The following HSD3B7 variants were observed in gnomAD, a reference collection of about 807,000 sequenced individuals.
The protein encoded by HSD3B7 is 3 beta-hydroxysteroid dehydrogenase type 7.
Under a neutral mutation model 34.3 loss-of-function variants are expected in HSD3B7, and 35 were observed. The ratio of observed to expected loss-of-function variants is 1.02; its 90% CI spans 0.78 to 1.35. The LOEUF is 1.35. HSD3B7 is among the 40% of genes most tolerant of loss of function. The pLI, the probability that HSD3B7 is intolerant of heterozygous loss-of-function variation, is 0.00. For missense variants in HSD3B7, 426 were observed against 504.7 expected (o/e 0.84, Z 1.49); for synonymous variants, 217 against 220.1 (o/e 0.99, Z 0.13).
At position 30,985,767 on chromosome 16, in the gene HSD3B7, G is replaced by C; in HGVS notation, c.109G>C (p.Gly37Arg). 1.2e-6 allele frequency: 2 copies of C among 1,603,046 alleles called. No individual in the cohort carries two copies. The highest frequency in any genetic ancestry group is 8.5e-7 in the Non-Finnish European group (1 of 1,176,360). ...RMLLQREPRL[G>R]ELRVFDQHLG... ...GCTGCTGCAGCGGGAGCCCCGGCTC[G>C]GGGAGCTGCGGGTCTTTGACCAACA... is the stretch of plus-strand genomic sequence containing the variant. The change falls in exon 2 of 7, where the codon GGG (glycine) becomes CGG (arginine). Residue 37 changes from glycine (G) to arginine (R), a missense_variant. By Grantham distance (125) the Gly-to-Arg change is moderately radical. Coordinates refer to ENST00000297679, the MANE Select transcript of HSD3B7 (RefSeq NM_025193.4).
Position 30,986,678 on chromosome 16 carries a change from C to T in HSD3B7, c.505C>T (p.Leu169=), listed in dbSNP as rs751796565. 9 of 1,614,046 alleles carry T rather than the reference C, an allele frequency of 5.6e-6. No homozygotes were observed. The highest frequency in any genetic ancestry group is 1.7e-5 in the Admixed American group (1 of 60,012). ...TTGCAGCAAGGCCCTGGCCGAGTGG[C>T]TGGTCCTGGAGGCCAACGGGAGGAA... ...YPCSKALAEW[L]VLEANGRKVR... The change falls in exon 5 of 7, where the codon CTG becomes TTG. Residue 169 remains leucine, a synonymous_variant. Coordinates refer to ENST00000297679, the MANE Select transcript of HSD3B7 (RefSeq NM_025193.4).
intron 6 of HSD3B7, 95 bp from the exon 7 acceptor site, chr16:30,987,673 C>A: frequency 6.9e-7 from 1 of 1,444,400 alleles, no homozygotes; most frequent in Non-Finnish European, 9.6e-7. Flanking sequence ...CGGCAACTAC[C>A]TGGGCCCAAA....
chr16:30,986,420 C>CAGGT lies in HSD3B7; in HGVS notation c.323-1_325dup, dbSNP rs1382636121. The CAGGT allele has an allele frequency of 1.2e-6, 2 of 1,613,310 alleles. No individual in the cohort carries two copies. The highest frequency in any genetic ancestry group is 3.3e-5 in the Admixed American group (2 of 60,008). ...AGCTTGGATACGCCTCCTCCTCTGC[C>CAGGT]AGGTACCCGGAACGTGATCGAGGCT... On this transcript the variant is annotated splice_polypyrimidine_tract_variant and splice_region_variant and intron_variant, in intron 3 of 6. Coordinates refer to ENST00000297679, the MANE Select transcript of HSD3B7 (RefSeq NM_025193.4).
Position 30,985,227 on chromosome 16 carries a change from GC to G in HSD3B7, c.-75del. On this transcript the variant is annotated 5_prime_UTR_variant, in exon 1 of 7. Coordinates refer to ENST00000297679, the MANE Select transcript of HSD3B7 (RefSeq NM_025193.4). ...GAGCCAGCGGAAGGACGGTGTGCGG[GC>G]CGGCCAGCCCTGGACGAAAGAAGAG... 8.3e-6 allele frequency: 9 copies of G among 1,090,516 alleles called. No individual in the cohort carries two copies. The highest frequency in any genetic ancestry group is 1.0e-5 in the Non-Finnish European group (9 of 890,728). 67.6% of individuals were successfully genotyped at this position (1,090,516 alleles called of 1,614,324 possible).
At chr16:30,987,356 A>G in intron 6 of HSD3B7, 1 of 415,894 alleles carries the variant, frequency 2.4e-6, no homozygotes, top group Non-Finnish European at 4.5e-6. Flanking sequence ...CTGAGGCGGG[A>G]GGATGGCCTG....
At chr16:30,987,417 A>AGC in intron 6 of HSD3B7, 1 of 429,964 alleles carries the variant, frequency 2.3e-6, no homozygotes. Context: ...ACTGCACTCC[A>AGC]GCCTGGATGA....
chr16:30,986,314 GC>G, intron 3 of HSD3B7, 108 bp from the exon 4 acceptor site: 1 of 1,550,682 alleles, frequency 6.4e-7, no homozygotes, highest in Non-Finnish European at 8.8e-7. Flanking sequence ...TGACAGCCCT[GC>G]CCCCGCCTCC....
At chr16:30,987,501 C>T (rs958432779) in intron 6 of HSD3B7, 25 of 567,068 alleles carry the variant, frequency 4.4e-5, no homozygotes, top group Admixed American at 1.2e-4. Flanking sequence ...TCACCTGCCA[C>T]TCCATCCTGC....
intron 5 of HSD3B7, 28 bp from the exon 6 acceptor site, chr16:30,986,812 T>G: frequency 6.2e-7 from 1 of 1,613,848 alleles, no homozygotes; most frequent in Non-Finnish European, 8.5e-7. Flanking sequence ...GGGTCCCAGG[T>G]CTCAGCAGTA....
chr16:30,986,125 T>C lies in HSD3B7; in HGVS notation c.243T>C (p.His81=), dbSNP rs1386218325. Residue 81 remains histidine, a synonymous_variant, in exon 3 of 7, where the codon CAT becomes CAC. Coordinates refer to ENST00000297679, the MANE Select transcript of HSD3B7 (RefSeq NM_025193.4). ...TGGCAGCAGCTGTGGCCGGAGCCCA[T>C]GTGGTCATCCACACGGCTGGGCTGG... ...HEVAAAVAGA[H]VVIHTAGLVD... 9 of 1,614,002 alleles carry C rather than the reference T, an allele frequency of 5.6e-6. No individual in the cohort carries two copies. Among genetic ancestry groups the C allele is most frequent in the East Asian group, 2.2e-5 (1 of 44,884 alleles).
chr16:30,987,256 C>CAGGAG (rs1204616765), intron 6 of HSD3B7: 11 of 541,486 alleles, frequency 2.0e-5, no homozygotes, highest in South Asian at 6.5e-5. Context: ...AGCCATTCCC[C>CAGGAG]AGGAGAGGAG....
rs373310133 is a variant in HSD3B7, at chr16:30,986,406, G to C, written c.323-17G>C. 1.2e-6 allele frequency: 2 copies of C among 1,608,700 alleles called. No homozygotes were observed. The highest frequency in any genetic ancestry group is 1.1e-5 in the South Asian group (1 of 90,928). ...AGGGAAGAAGCTGCAGCTTGGATAC[G>C]CCTCCTCCTCTGCCAGGTACCCGGA... On this transcript the variant is annotated splice_polypyrimidine_tract_variant and intron_variant, in intron 3 of 6. Transcript: ENST00000297679.
Position 30,985,783 on chromosome 16 carries a change from T to C in HSD3B7, c.125T>C (p.Phe42Ser), listed in dbSNP as rs753890994. 16 of 1,603,150 alleles carry C rather than the reference T, an allele frequency of 1.0e-5. No individual in the cohort carries two copies. In the Admixed American group the frequency reaches 1.0e-4, roughly 10 times the overall value. ...CCCCGGCTCGGGGAGCTGCGGGTCT[T>C]TGACCAACACCTGGGTCCCTGGCTG... ...REPRLGELRV[F>S]DQHLGPWLEE... Residue 42 changes from phenylalanine to serine, a missense_variant, in exon 2 of 7, where the codon TTT becomes TCT. Transcript: ENST00000297679.
intron 5 of HSD3B7, 36 bp downstream of exon 5, chr16:30,986,740 C>A: frequency 1.2e-6 from 2 of 1,611,098 alleles, no homozygotes; most frequent in Non-Finnish European, 1.7e-6. Context: ...AGATGGGGCT[C>A]CTGCCCTGCA....
chr16:30,987,928 C>A lies in HSD3B7; in HGVS notation c.855C>A (p.Gly285=). 1 of 1,613,358 alleles carries A rather than the reference C, an allele frequency of 6.2e-7. No homozygotes were observed. Among genetic ancestry groups the A allele is most frequent in the Non-Finnish European group, 8.5e-7 (1 of 1,179,992 alleles). Residue 285 remains glycine, a synonymous_variant, in exon 7 of 7, where the codon GGC becomes GGA. Coordinates refer to ENST00000297679, the MANE Select transcript of HSD3B7 (RefSeq NM_025193.4). Reference sequence around the variant, plus strand: ...GCCCCTGCGGACTGCGGCTGGTGGGCGCCCGCCCATTGCTGCCCTACTGGC... The same window carrying A: ...GCCCCTGCGGACTGCGGCTGGTGGGAGCCCGCCCATTGCTGCCCTACTGGC... The part of the protein sequence containing the change: ...FLGPCGLRLV[G]ARPLLPYWLL...
At position 30,986,423 on chromosome 16, in the gene HSD3B7, G is replaced by C; in HGVS notation, c.323G>C (p.Gly108Ala). ...TTGGATACGCCTCCTCCTCTGCCAG[G>C]TACCCGGAACGTGATCGAGGCTTGT... ...PKTIHEVNVQ[G>A]TRNVIEACVQ... Residue 108 changes from glycine (G) to alanine (A), a missense_variant and splice_region_variant, in exon 4 of 7, where the codon GGT becomes GCT. By Grantham distance (60) the Gly-to-Ala change is moderately conservative. Coordinates refer to ENST00000297679, the MANE Select transcript of HSD3B7 (RefSeq NM_025193.4). The C allele has an allele frequency of 6.2e-7, 1 of 1,613,698 alleles. No individual in the cohort carries two copies.
At position 30,988,562 on chromosome 16, in the gene HSD3B7, C is replaced by CTCAA. The variant is rs1484327008; in HGVS notation, c.*380_*383dup. ...CTCAGGCTGGTCTTGAACTCCTGGG[C>CTCAA]TCAAGTGATCTTCCCACGTGGGCCT... is the stretch of plus-strand genomic sequence containing the variant. On this transcript the variant is annotated 3_prime_UTR_variant, in exon 7 of 7. Transcript: ENST00000297679. 1 of 193,024 alleles carries CTCAA rather than the reference C, an allele frequency of 5.2e-6. No homozygotes were observed. The highest frequency in any genetic ancestry group is 2.3e-5 in the African/African-American group (1 of 42,686). 12.0% of individuals were successfully genotyped at this position (193,024 alleles called of 1,614,324 possible).
chr16:30,985,390 C>G, intron 1 of HSD3B7, 93 bp downstream of exon 1: 1 of 1,367,682 alleles, frequency 7.3e-7, no homozygotes, highest in South Asian at 1.5e-5. Flanking sequence ...CCCTCAACTC[C>G]TGGCCTCCCC....
Position 30,985,303 on chromosome 16 carries a change from C to CA in HSD3B7, c.-7+7dup. The CA allele has an allele frequency of 8.3e-7, 1 of 1,205,622 alleles. No homozygotes were observed. The allele number at this position is 1,205,622 out of a possible 1,614,324, so 74.7% of individuals were successfully genotyped here. Reference sequence around the variant, plus strand: ...CCCTGGGATAGCGGCTGCAGGTAGGCAGAGGCGCTGCCAGTGCCCAGGTGG... The same window carrying CA: ...CCCTGGGATAGCGGCTGCAGGTAGGCAAGAGGCGCTGCCAGTGCCCAGGTGG... On this transcript the variant is annotated splice_region_variant and intron_variant, in intron 1 of 6. Coordinates refer to ENST00000297679, the MANE Select transcript of HSD3B7 (RefSeq NM_025193.4).
Sources: allele counts gnomAD v4.1 joint callset, GRCh38; gene constraint gnomAD v4.1.1; transcripts MANE v1.5; gene names NCBI Gene and HGNC (gene_info 2026-07-23, HGNC 2026-07-21).